AJAP1: variants seen among roughly 807,000 people sequenced by gnomAD.
AJAP1 encodes adherens junction-associated protein 1.
Under a neutral mutation model 35.0 loss-of-function variants are expected in AJAP1, and 5 were observed. The observed-to-expected ratio is 0.14, with a 90% CI of 0.07 to 0.30. The LOEUF is 0.30. AJAP1 is among the 10% of genes least tolerant of loss of function. The pLI is 1.00. For synonymous variants in AJAP1, 284 were observed against 249.3 expected (o/e 1.14, Z -1.31); for missense variants, 586 against 571.0 (o/e 1.03, Z -0.27).
chr1:4,774,559 G>A lies in AJAP1; in HGVS notation c.*59+1G>A. ...GCAGACGCCGTGTGTCTGTTTCACG[G>A]TAGGTACCTCTCTTTGGACATTCCT... is the stretch of plus-strand genomic sequence containing the variant. On this transcript the variant is annotated splice_donor_variant, in intron 5 of 5. Coordinates refer to ENST00000378191, the MANE Select transcript of AJAP1 (RefSeq NM_018836.4). LOFTEE classifies it low-confidence loss of function (3UTR_SPLICE). 1 of 1,506,444 alleles carries A rather than the reference G, an allele frequency of 6.6e-7. No homozygotes were observed. The highest frequency in any genetic ancestry group is 9.2e-7 in the Non-Finnish European group (1 of 1,084,638). 93.3% of individuals were successfully genotyped at this position (1,506,444 alleles called of 1,614,324 possible).
In AJAP1 at chr1:4,692,393, T is replaced by A. The variant is rs913598670; in HGVS notation, c.30-19507T>A. Among the ~76,000 whole-genome samples the A allele has an allele frequency of 1.3e-5, 2 of 152,170 alleles. No individual in the cohort carries two copies. Among genetic ancestry groups the A allele is most frequent in the African/African-American group, 4.8e-5 (2 of 41,442 alleles). On this transcript the variant is annotated intron_variant, in intron 1 of 5. Coordinates refer to ENST00000378191, the MANE Select transcript of AJAP1 (RefSeq NM_018836.4). This position sits in a 1 kb window ranked among gnomAD's most constrained non-coding sequence, Gnocchi z 4.4. ...TGCAGGAGAGGCTGGGGGGCACGTC[T>A]GAGGGTGCAGCAGAGGGATATAGCC... is the stretch of plus-strand genomic sequence containing the variant.
intron 5 of AJAP1, among the ~76,000 whole-genome samples, chr1:4,780,017 G>T (rs899624179): frequency 6.6e-6 from 1 of 150,798 alleles, no homozygotes; most frequent in Admixed American, 6.6e-5. Flanking sequence ...TGTGGTGTGC[G>T]CCTATAATCC....
chr1:4,726,711 A>G (rs1410781046), intron 2 of AJAP1, among the ~76,000 whole-genome samples: 1 of 152,110 alleles, frequency 6.6e-6, no homozygotes, highest in Non-Finnish European at 1.5e-5. Flanking sequence ...GGGCCCAGGA[A>G]GCTGCCTTCA....
chr1:4,764,018 A>G (rs1009340896), intron 2 of AJAP1, among the ~76,000 whole-genome samples: 1 of 151,934 alleles, frequency 6.6e-6, no homozygotes, highest in African/African-American at 2.4e-5. Context: ...TGTGGTGTAG[A>G]TGGAGCTGGG....
chr1:4,782,793 G>A lies in AJAP1; in HGVS notation c.*308G>A, dbSNP rs1438890008. ...AAGAAAGGAAAGAAAGGAACCAGAG[G>A]CAGAGAGACGAGGATACCCAGCGAA... is the stretch of plus-strand genomic sequence containing the variant. On this transcript the variant is annotated 3_prime_UTR_variant, in exon 6 of 6. Coordinates refer to ENST00000378191, the MANE Select transcript of AJAP1 (RefSeq NM_018836.4). The surrounding 1 kb of genome is among the most constrained non-coding windows in gnomAD (Gnocchi z 5.3). 7 of 398,520 alleles carry A rather than the reference G, an allele frequency of 1.8e-5. No homozygotes were observed. Among genetic ancestry groups the A allele is most frequent in the Non-Finnish European group, 2.7e-5 (6 of 226,096 alleles). 24.7% of individuals were successfully genotyped at this position (398,520 alleles called of 1,614,324 possible). A position where few individuals can be genotyped will look rare whatever the true frequency, so the allele number is the denominator to read the frequency against.
At chr1:4,743,217 T>C (rs1641110920) in intron 2 of AJAP1, among the ~76,000 whole-genome samples, 1 of 152,162 alleles carries the variant, frequency 6.6e-6, no homozygotes, top group Non-Finnish European at 1.5e-5. Flanking sequence ...TTTTGGCTCT[T>C]TCCTGTCACA....
At chr1:4,707,510 C>T (rs1261107066) in intron 1 of AJAP1, among the ~76,000 whole-genome samples, 2 of 152,136 alleles carry the variant, frequency 1.3e-5, no homozygotes, top group Non-Finnish European at 2.9e-5. Flanking sequence ...AACCGGGCAC[C>T]GTGTAGCCTT....
intron 1 of AJAP1, among the ~76,000 whole-genome samples, chr1:4,681,252 C>T (rs1043368080): frequency 6.6e-6 from 1 of 152,196 alleles, no homozygotes; most frequent in East Asian, 1.9e-4. Flanking sequence ...TTTGGAAGCC[C>T]GTGTTTTCAG....
At chr1:4,764,302 C>T (rs1286216666) in intron 2 of AJAP1, among the ~76,000 whole-genome samples, 2 of 152,194 alleles carry the variant, frequency 1.3e-5, no homozygotes, top group Non-Finnish European at 2.9e-5. Context: ...AGCTGGTGGC[C>T]TTGTTCTGCT....
At chr1:4,775,714 TG>T (rs1206284392) in intron 5 of AJAP1, among the ~76,000 whole-genome samples, 1 of 152,184 alleles carries the variant, frequency 6.6e-6, no homozygotes, top group African/African-American at 2.4e-5. Flanking sequence ...TTCTGCCAAC[TG>T]GCAAAGAAAC....
At chr1:4,705,891 G>A (rs1370294382) in intron 1 of AJAP1, among the ~76,000 whole-genome samples, 2 of 152,128 alleles carry the variant, frequency 1.3e-5, no homozygotes, top group Non-Finnish European at 1.5e-5. Flanking sequence ...GCAAACTGGA[G>A]AAGTCCAAGC....
At chr1:4,768,903 G>A (rs562472261) in intron 2 of AJAP1, among the ~76,000 whole-genome samples, 15 of 152,358 alleles carry the variant, frequency 9.8e-5, no homozygotes, top group African/African-American at 3.6e-4. Flanking sequence ...AGAGGCAGGA[G>A]CTGTTGCAGG....
rs918919749 is a variant in AJAP1, at chr1:4,788,768, T to C, written c.*6283T>C. On this transcript the variant is annotated 3_prime_UTR_variant, in exon 6 of 6. Transcript: ENST00000378191. ...GCACAATGGCCCCCAGAATATCCAG[T>C]GACCCAAGTGATGTTAGTCTTAGGG... 4.6e-5 allele frequency: 7 copies of C among 152,142 alleles called. No individual in the cohort carries two copies. Among genetic ancestry groups the C allele is most frequent in the African/African-American group, 1.7e-4 (7 of 41,426 alleles). 9.4% of individuals were successfully genotyped at this position (152,142 alleles called of 1,614,324 possible). A position where few individuals can be genotyped will look rare whatever the true frequency, so the allele number is the denominator to read the frequency against.
Position 4,728,341 on chromosome 1 carries a change from C to G in AJAP1, c.829+15642C>G, listed in dbSNP as rs112877152. On this transcript the variant is annotated intron_variant, in intron 2 of 5. Transcript: ENST00000378191. ...CCGATGGCATGCTGGAGGGTTTATT[C>G]CAAACTCCCTTTTTCCCTGGAGTCA... Among the ~76,000 whole-genome samples the G allele has an allele frequency of 6.2e-3, 950 of 152,248 alleles. 10 individuals carry two copies. The highest frequency in any genetic ancestry group is 0.021 in the African/African-American group (884 of 41,562).
At chr1:4,740,170 A>T (rs1641023448) in intron 2 of AJAP1, among the ~76,000 whole-genome samples, 1 of 151,922 alleles carries the variant, frequency 6.6e-6, no homozygotes, top group African/African-American at 2.4e-5. Context: ...ACAATGAAAT[A>T]TCCCTCAGCC....
rs954098860 is a variant in AJAP1, at chr1:4,782,010, A to T, written c.*60-535A>T. Among the ~76,000 whole-genome samples the T allele has an allele frequency of 6.6e-6, 1 of 152,022 alleles. No individual in the cohort carries two copies. The highest frequency in any genetic ancestry group is 2.4e-5 in the African/African-American group (1 of 41,388). On this transcript the variant is annotated intron_variant, in intron 5 of 5. Coordinates refer to ENST00000378191, the MANE Select transcript of AJAP1 (RefSeq NM_018836.4). This position sits in a 1 kb window ranked among gnomAD's most constrained non-coding sequence, Gnocchi z 5.3. ...GGAGATGTGGGAGGTGGATTTTCTGATGCAGTCCATTTATCTCTCCCGAAT... is the reference window on the plus strand; with the variant it reads ...GGAGATGTGGGAGGTGGATTTTCTGTTGCAGTCCATTTATCTCTCCCGAAT...
intron 2 of AJAP1, among the ~76,000 whole-genome samples, chr1:4,717,332 G>A (rs952600482): frequency 6.6e-6 from 1 of 152,242 alleles, no homozygotes; most frequent in East Asian, 1.9e-4. Context: ...CTGGCATCTG[G>A]CCCCAAGACT....
intron 2 of AJAP1, among the ~76,000 whole-genome samples, chr1:4,718,860 G>T (rs182147106): frequency 6.6e-6 from 1 of 152,222 alleles, no homozygotes; most frequent in East Asian, 1.9e-4. Flanking sequence ...GCCTTTACTT[G>T]TTGACCTGTT....
intron 1 of AJAP1, among the ~76,000 whole-genome samples, chr1:4,699,362 C>T (rs114097947): frequency 0.037 from 5,691 of 152,324 alleles, 344 homozygotes; most frequent in African/African-American, 0.13. Context: ...TCCTCCCATC[C>T]TTGGTTGGCT....
Sources: allele counts gnomAD v4.1 joint callset (sites outside exome capture counted in the v4.1 genomes callset), GRCh38; gene constraint gnomAD v4.1.1; non-coding constraint Gnocchi (gnomAD v3.1); transcripts MANE v1.5; gene names NCBI Gene and HGNC (gene_info 2026-07-23, HGNC 2026-07-21).